ST6GALNAC3: variants seen among roughly 807,000 people sequenced by gnomAD.
ST6GALNAC3 encodes alpha-N-acetylgalactosaminide alpha-2,6-sialyltransferase 3.
A neutral mutation model predicts 32.7 loss-of-function variants in ST6GALNAC3; 25 were observed. The ratio of observed to expected loss-of-function variants is 0.76; its 90% CI spans 0.56 to 1.07. The LOEUF (loss-of-function observed/expected upper bound fraction) is 1.07, where lower values mean the gene tolerates loss of function less well. Among genes scored for constraint, ST6GALNAC3 ranks in the 50% least tolerant of loss-of-function variants. The pLI is 0.00. For synonymous variants in ST6GALNAC3, 129 were observed against 133.1 expected (o/e 0.97, Z 0.21); for missense variants, 355 against 382.4 (o/e 0.93, Z 0.60).
chr1:76,535,438 T>G (rs916307048), intron 3 of ST6GALNAC3, among the ~76,000 whole-genome samples: 1 of 152,112 alleles, frequency 6.6e-6, no homozygotes, highest in Non-Finnish European at 1.5e-5. Flanking sequence ...GTATAAATAT[T>G]TTTTTCCCCA....
At chr1:76,339,207 G>T (rs555810775) in intron 2 of ST6GALNAC3, among the ~76,000 whole-genome samples, 1 of 152,280 alleles carries the variant, frequency 6.6e-6, no homozygotes, top group South Asian at 2.1e-4. Context: ...GGGACTTGCA[G>T]ATGTGATTTA....
intron 3 of ST6GALNAC3, among the ~76,000 whole-genome samples, chr1:76,585,761 C>T (rs1007739496): frequency 6.6e-6 from 1 of 152,186 alleles, no homozygotes; most frequent in African/African-American, 2.4e-5. Flanking sequence ...AAATACATAG[C>T]TCTCTACCAT....
chr1:76,541,887 C>G (rs1192935038), intron 3 of ST6GALNAC3, among the ~76,000 whole-genome samples: 1 of 152,156 alleles, frequency 6.6e-6, no homozygotes, highest in Non-Finnish European at 1.5e-5. Flanking sequence ...ACTCAATTAC[C>G]TCATTCATTA....
chr1:76,258,345 T>C (rs1658034304), intron 1 of ST6GALNAC3, among the ~76,000 whole-genome samples: 1 of 152,200 alleles, frequency 6.6e-6, no homozygotes, highest in Non-Finnish European at 1.5e-5. Flanking sequence ...TCTTACAAAA[T>C]TGCATAATCT....
Position 76,632,894 on chromosome 1 carries a change from C to G in ST6GALNAC3, c.*4088C>G, listed in dbSNP as rs1282057145. On this transcript the variant is annotated 3_prime_UTR_variant, in exon 5 of 5. Coordinates refer to ENST00000328299, the MANE Select transcript of ST6GALNAC3 (RefSeq NM_152996.4). ...TATTCAGTATCAGTTGTTTGCATGT[C>G]TTAGCACAACAAAGGATTTACAGTC... is the stretch of plus-strand genomic sequence containing the variant. 3.9e-5 allele frequency: 6 copies of G among 152,094 alleles called. No individual in the cohort carries two copies. The highest frequency in any genetic ancestry group is 2.9e-5 in the Non-Finnish European group (2 of 68,006). 9.4% of individuals were successfully genotyped at this position (152,094 alleles called of 1,614,324 possible).
At chr1:76,329,188 A>C (rs1273898613) in intron 2 of ST6GALNAC3, among the ~76,000 whole-genome samples, 1 of 152,134 alleles carries the variant, frequency 6.6e-6, no homozygotes, top group South Asian at 2.1e-4. Flanking sequence ...AATATTCACC[A>C]CCTGAGCCAC....
chr1:76,594,877 T>G (rs1647108567), intron 3 of ST6GALNAC3, among the ~76,000 whole-genome samples: 1 of 152,204 alleles, frequency 6.6e-6, no homozygotes, highest in South Asian at 2.1e-4. Flanking sequence ...AGGTAATTGA[T>G]CATAGTATAG....
chr1:76,266,209 A>G (rs1292375487), intron 1 of ST6GALNAC3, among the ~76,000 whole-genome samples: 2 of 152,222 alleles, frequency 1.3e-5, no homozygotes, highest in African/African-American at 4.8e-5. Context: ...CAGGGAACAC[A>G]GTGATAAACG....
At chr1:76,311,252 A>G (rs1646756919) in intron 1 of ST6GALNAC3, among the ~76,000 whole-genome samples, 1 of 150,250 alleles carries the variant, frequency 6.7e-6, no homozygotes, top group Non-Finnish European at 1.5e-5. Flanking sequence ...ATTATAACTC[A>G]TAACTTCCCC....
intron 1 of ST6GALNAC3, among the ~76,000 whole-genome samples, chr1:76,113,213 CCTGCAATCGCAGG>C (rs1648202186): frequency 6.6e-6 from 1 of 151,984 alleles, no homozygotes; most frequent in Non-Finnish European, 1.5e-5. Flanking sequence ...GCGGCGCGCG[CCTGCAATCGCAGG>C]CACTCGGCAG....
chr1:76,612,032 A>G (rs2100671156), intron 3 of ST6GALNAC3, among the ~76,000 whole-genome samples: 1 of 152,346 alleles, frequency 6.6e-6, no homozygotes, highest in Non-Finnish European at 1.5e-5. Context: ...GCGACTTGAT[A>G]AAATTATTGG....
chr1:76,177,681 A>G (rs1487821697), intron 1 of ST6GALNAC3, among the ~76,000 whole-genome samples: 1 of 152,188 alleles, frequency 6.6e-6, no homozygotes, highest in East Asian at 1.9e-4. Flanking sequence ...ATTAAAATGC[A>G]TTTAATAAAT....
At chr1:76,306,396 A>G (rs1661055416) in intron 1 of ST6GALNAC3, among the ~76,000 whole-genome samples, 1 of 152,066 alleles carries the variant, frequency 6.6e-6, no homozygotes, top group South Asian at 2.1e-4. Context: ...CAAAAACACA[A>G]CTAAACAACA....
rs79226495 is a variant in ST6GALNAC3 at position 76,135,479 on chromosome 1, T to C, written c.18+60595T>C. ...AGCACTCTAGTGAGGTGGACATTAT[T>C]ATCCCTATTTTGCAGTTGAGGAAAC... On this transcript the variant is annotated intron_variant, in intron 1 of 4. Transcript: ENST00000328299. 7.7e-3 allele frequency among the ~76,000 whole-genome samples: 1,169 copies of C among 152,348 alleles called. 14 individuals are homozygous for C. The highest frequency in any genetic ancestry group is 0.027 in the African/African-American group (1,126 of 41,582).
chr1:76,097,086 T>A (rs977108656), intron 1 of ST6GALNAC3, among the ~76,000 whole-genome samples: 22 of 152,232 alleles, frequency 1.4e-4, no homozygotes, highest in African/African-American at 5.3e-4. Flanking sequence ...GCCCGGCTAA[T>A]TTTTGTATTT....
intron 3 of ST6GALNAC3, among the ~76,000 whole-genome samples, chr1:76,431,170 A>C (rs1655726186): frequency 6.6e-6 from 1 of 152,062 alleles, no homozygotes; most frequent in Admixed American, 6.5e-5. Flanking sequence ...GCTAAGAGCA[A>C]GTTCTGGATC....
At chr1:76,168,745 G>A (rs1361618625) in intron 1 of ST6GALNAC3, among the ~76,000 whole-genome samples, 1 of 151,946 alleles carries the variant, frequency 6.6e-6, no homozygotes, top group Non-Finnish European at 1.5e-5. Flanking sequence ...TTTTATCTTT[G>A]TTGGTTTAAA....
At chr1:76,503,702 C>T (rs1395313910) in intron 3 of ST6GALNAC3, among the ~76,000 whole-genome samples, 1 of 152,184 alleles carries the variant, frequency 6.6e-6, no homozygotes, top group Non-Finnish European at 1.5e-5. Context: ...ACATTCTGTT[C>T]ATTGCAGTAG....
intron 1 of ST6GALNAC3, among the ~76,000 whole-genome samples, chr1:76,107,416 A>G (rs183992823): frequency 3.3e-5 from 5 of 152,108 alleles, no homozygotes; most frequent in South Asian, 2.1e-4. Flanking sequence ...TAAGCTCACA[A>G]TTTTAGAAGG....
Sources: gnomAD v4.1 joint callset for allele counts (sites outside exome capture counted in the v4.1 genomes callset) on GRCh38, gnomAD v4.1.1 for gene constraint, MANE v1.5 for transcripts, NCBI Gene and HGNC (gene_info 2026-07-23, HGNC 2026-07-21) for gene names.